USP54: variants seen among roughly 807,000 people sequenced by gnomAD.
USP54 encodes ubiquitin carboxyl-terminal hydrolase 54.
In USP54, 87 loss-of-function variants were observed where a neutral mutation model predicts 170.5. The ratio of observed to expected loss-of-function variants is 0.51; its 90% confidence interval spans 0.43 to 0.61. The LOEUF (loss-of-function observed/expected upper bound fraction) is 0.61, where lower values mean the gene tolerates loss of function less well. Ranked by LOEUF, USP54 falls within the 20% of genes least tolerant of loss-of-function variation. The pLI is 0.00. For missense variants in USP54, 1,786 were observed against 2,047.8 expected (o/e 0.87, Z 2.47); for synonymous variants, 655 against 742.8 (o/e 0.88, Z 1.92).
intron 1 of USP54, among the ~76,000 whole-genome samples, chr10:73,579,368 G>A (rs1406854158): frequency 6.6e-6 from 1 of 152,124 alleles, no homozygotes; most frequent in Non-Finnish European, 1.5e-5. Context: ...GAAAAGATTA[G>A]TCAAAGATTA....
intron 1 of USP54, among the ~76,000 whole-genome samples, chr10:73,617,437 CAG>C (rs2080732450): frequency 6.8e-6 from 1 of 147,866 alleles, no homozygotes; most frequent in Non-Finnish European, 1.5e-5. Flanking sequence ...GCCTGGGCAA[CAG>C]AGAGAGACTC....
intron 4 of USP54, among the ~76,000 whole-genome samples, chr10:73,558,513 A>G (rs1205846740): frequency 2.0e-5 from 3 of 152,212 alleles, no homozygotes; most frequent in African/African-American, 7.2e-5. Context: ...GTATACAGGC[A>G]TGAACCACCG....
At chr10:73,601,343 A>G (rs1340818184) in intron 1 of USP54, among the ~76,000 whole-genome samples, 4 of 152,152 alleles carry the variant, frequency 2.6e-5, no homozygotes, top group African/African-American at 4.8e-5. Context: ...AAGTCACCTC[A>G]AAAAGAAGCA....
chr10:73,575,513 T>C lies in USP54; in HGVS notation c.146A>G (p.Gln49Arg). 1 of 1,602,450 alleles carries C rather than the reference T, an allele frequency of 6.2e-7. No homozygotes were observed. The highest frequency in any genetic ancestry group is 8.5e-7 in the Non-Finnish European group (1 of 1,176,336). The change falls in exon 3 of 24, where the codon CAG becomes CGG. Residue 49 changes from glutamine to arginine, a missense_variant and splice_region_variant. By Grantham distance (43) the Gln-to-Arg change is conservative (BLOSUM62 1). Transcript: ENST00000687698. ...QNSCFLNSAL[Q>R]VLWHLDIFRR... Reference sequence around the variant, plus strand: ...CAAAAATAAAGAAATGACCCTTACCTGCAGGGCACTGTTGAGGAAGCAGCT... The same window carrying C: ...CAAAAATAAAGAAATGACCCTTACCCGCAGGGCACTGTTGAGGAAGCAGCT...
intron 12 of USP54, among the ~76,000 whole-genome samples, chr10:73,531,171 G>A (rs959566536): frequency 6.6e-6 from 1 of 151,938 alleles, no homozygotes; most frequent in Admixed American, 6.6e-5. Flanking sequence ...GGTGGCATGT[G>A]CCTGTAGTCC....
At chr10:73,571,141 A>C (rs74653317) in intron 4 of USP54, among the ~76,000 whole-genome samples, 262 of 110,318 alleles carry the variant, frequency 2.4e-3, no homozygotes, top group African/African-American at 0.013. Context: ...TCATCCCAAA[A>C]AAAAAAAAAA....
rs1471408957 is a variant in USP54, at chr10:73,543,116, T to G, written c.391A>C (p.Arg131=). 4 of 1,613,804 alleles carry G rather than the reference T, an allele frequency of 2.5e-6. No individual in the cohort carries two copies. The highest frequency in any genetic ancestry group is 2.5e-6 in the Non-Finnish European group (3 of 1,179,690). ...TCATCAGCAATGTGGAAGTGAATTC[T>G]CATCAGGAGGTTTTCCTGACAGGGA... is the stretch of plus-strand genomic sequence containing the variant. ...AAECFENLLM[R]IHFHIADETK... is the part of the protein sequence containing the mutation. Residue 131 remains arginine, a synonymous_variant, in exon 6 of 24, where the codon AGA becomes CGA. Transcript: ENST00000687698.
At position 73,585,574 on chromosome 10, in the gene USP54, C is replaced by G. The variant is rs553105330; in HGVS notation, c.-582+5704G>C. Among the ~76,000 whole-genome samples, 7 of 152,268 alleles carry G rather than the reference C, an allele frequency of 4.6e-5. No individual in the cohort carries two copies. In the South Asian group the frequency reaches 1.4e-3, roughly 32 times the overall value. ...CTGAGCTATTCATGAGGGATCCACC[C>G]CCATGATCTAATACCTTCCACTAGG... On this transcript the variant is annotated intron_variant, in intron 1 of 23. Transcript: ENST00000687698.
chr10:73,557,951 C>T (rs536154249), intron 4 of USP54, among the ~76,000 whole-genome samples: 1 of 138,100 alleles, frequency 7.2e-6, no homozygotes, highest in Non-Finnish European at 1.5e-5. Flanking sequence ...GGCTCGATCT[C>T]GGCTCACTTG....
rs1251985523 is a variant in USP54 at position 73,608,187 on chromosome 10, G to T, written c.-18+17380C>A. Among the ~76,000 whole-genome samples, 5 of 152,154 alleles carry T rather than the reference G, an allele frequency of 3.3e-5. No individual in the cohort carries two copies. The East Asian group carries it at 9.7e-4, about 29-fold the overall frequency. ...AGACAAAAGAATTGCTTGAACCCGG[G>T]AGGCGGAGGTTGCAGTGAGCCGAGT... On this transcript the variant is annotated intron_variant, in intron 1 of 22. Transcript: ENST00000339859.
upstream of USP54, among the ~76,000 whole-genome samples, chr10:73,595,979 C>T (rs553817976): frequency 1.3e-5 from 2 of 151,996 alleles, no homozygotes; most frequent in East Asian, 1.9e-4. Flanking sequence ...GGCATGGTGG[C>T]GTGTGCCTGT....
chr10:73,521,035 G>A lies in USP54; in HGVS notation c.2363-8C>T. The A allele has an allele frequency of 1.2e-6, 2 of 1,613,402 alleles. No individual in the cohort carries two copies. Among genetic ancestry groups the A allele is most frequent in the Non-Finnish European group, 8.5e-7 (1 of 1,180,014 alleles). ...CAAAGCCGTCACTCCTCCCTGAAAG[G>A]GCCAGCACTTTTCATTTTCATTACA... is the stretch of plus-strand genomic sequence containing the variant. On this transcript the variant is annotated splice_polypyrimidine_tract_variant and splice_region_variant and intron_variant, in intron 17 of 23. Transcript: ENST00000687698.
At chr10:73,524,386 C>T (rs948022628) in intron 16 of USP54, among the ~76,000 whole-genome samples, 1 of 151,542 alleles carries the variant, frequency 6.6e-6, no homozygotes, top group African/African-American at 2.4e-5. Context: ...TTGAGACCAG[C>T]CTGGCCAACA....
At chr10:73,554,314 AG>A (rs749313036) in intron 4 of USP54, among the ~76,000 whole-genome samples, 192 of 152,326 alleles carry the variant, frequency 1.3e-3, no homozygotes, top group Admixed American at 4.2e-3. Context: ...CTCAATTCTT[AG>A]GGTTTCTCTT....
intron 16 of USP54, among the ~76,000 whole-genome samples, chr10:73,524,033 G>A (rs939115769): frequency 1.3e-5 from 2 of 150,658 alleles, no homozygotes; most frequent in Non-Finnish European, 3.0e-5. Flanking sequence ...TCAGCTTCCT[G>A]AGTAGCTGGG....
intron 10 of USP54, 137 bp downstream of exon 10, chr10:73,539,307 A>AT (rs1554881012): frequency 0.038 from 10,633 of 279,488 alleles, 466 homozygotes; most frequent in African/African-American, 0.14. Flanking sequence ...AAAAAAAAAA[A>AT]ATATATATAT....
At chr10:73,558,704 G>A (rs566283364) in intron 4 of USP54, among the ~76,000 whole-genome samples, 1 of 152,060 alleles carries the variant, frequency 6.6e-6, no homozygotes, top group Admixed American at 6.6e-5. Flanking sequence ...AAAGAAATCT[G>A]ACTTTACAGA....
At chr10:73,604,786 C>T (rs970633525) in intron 1 of USP54, among the ~76,000 whole-genome samples, 5 of 151,962 alleles carry the variant, frequency 3.3e-5, no homozygotes, top group Admixed American at 2.6e-4. Flanking sequence ...AGAACGAAGC[C>T]GCAGATCTTC....
chr10:73,587,226 C>A (rs111281505), intron 1 of USP54, among the ~76,000 whole-genome samples: 1 of 151,726 alleles, frequency 6.6e-6, no homozygotes, highest in African/African-American at 2.4e-5. Flanking sequence ...GTAATCCCAG[C>A]ACTTTGGGAG....
Sources: allele counts gnomAD v4.1 joint callset (sites outside exome capture counted in the v4.1 genomes callset), GRCh38; gene constraint gnomAD v4.1.1; transcripts MANE v1.5; gene names NCBI Gene and HGNC (gene_info 2026-07-23, HGNC 2026-07-21).